Variants in ZNF384 observed in about 807,000 individuals in gnomAD.
ZNF384 encodes the protein CAG repeat protein 1.
In ZNF384, 20 loss-of-function variants were observed where a neutral mutation model predicts 65.0. The ratio of observed to expected loss-of-function variants is 0.31; its 90% confidence interval spans 0.22 to 0.45. The LOEUF (loss-of-function observed/expected upper bound fraction) is 0.45. Among genes scored for constraint, ZNF384 ranks in the 20% least tolerant of loss-of-function variants. ZNF384 has a pLI of 1.00. For synonymous variants in ZNF384, 310 were observed against 303.9 expected (o/e 1.02, Z -0.21); for missense variants, 549 against 769.4 (o/e 0.71, Z 3.39).
At chr12:6,668,163 G>C in intron 11 of ZNF384, 48 bp from the exon 12 acceptor site, 1 of 1,509,666 alleles carries the variant, frequency 6.6e-7, no homozygotes, top group Non-Finnish European at 8.9e-7. Flanking sequence ...GGAAGGAAAA[G>C]AGATTACTTG....
At chr12:6,677,514 G>A (rs1218193855) in intron 6 of ZNF384, among the ~76,000 whole-genome samples, 1 of 152,200 alleles carries the variant, frequency 6.6e-6, no homozygotes, top group Non-Finnish European at 1.5e-5. Context: ...ATGCAAATAC[G>A]CATATAATGC....
intron 6 of ZNF384, 130 bp downstream of exon 6, chr12:6,677,997 A>G (rs939900960): frequency 3.7e-6 from 3 of 808,948 alleles, no homozygotes; most frequent in African/African-American, 3.4e-5. Flanking sequence ...GACACCTGAC[A>G]TGCAAGTGGC....
chr12:6,669,241 C>T (rs757717052), intron 10 of ZNF384, 52 bp from the exon 11 acceptor site: 3 of 1,527,976 alleles, frequency 2.0e-6, no homozygotes, highest in Admixed American at 3.9e-5. Flanking sequence ...TTTCCTCCTG[C>T]CCCCTTGACC....
rs1320317247 is a variant in ZNF384, at chr12:6,673,840, T to G, written c.780-400A>C. ...TATGTATGAAGCACATGCCTCTGTA[T>G]TCCTCAAGACCCCGAGATGATAATG... On this transcript the variant is annotated intron_variant, in intron 7 of 11. Transcript: ENST00000683879. The surrounding 1 kb of genome is among the most constrained non-coding windows in gnomAD (Gnocchi z 4.7). Among the ~76,000 whole-genome samples, 1 of 152,206 alleles carries G rather than the reference T, an allele frequency of 6.6e-6. No homozygotes were observed. Among genetic ancestry groups the G allele is most frequent in the Non-Finnish European group, 1.5e-5 (1 of 68,036 alleles).
intron 11 of ZNF384, 36 bp downstream of exon 11, chr12:6,668,995 G>A: frequency 6.4e-7 from 1 of 1,573,448 alleles, no homozygotes; most frequent in Non-Finnish European, 8.7e-7. Context: ...ACTCTTAGAG[G>A]ACTATGAGGA....
rs980362861 is a variant in ZNF384 at position 6,668,209 on chromosome 12, A to C, written c.1426-94T>G. The C allele has an allele frequency of 3.3e-5, 44 of 1,315,856 alleles. No individual in the cohort carries two copies. In the African/African-American group the frequency reaches 5.6e-4, roughly 17 times the overall value. The allele number at this position is 1,315,856 out of a possible 1,614,324, so 81.5% of individuals were successfully genotyped here. ...CCCAGGCTCTGATTCTGCTGTAAGCAGAGTAAGCTTTATACTGGTTTTCTG... is the reference window on the plus strand; with the variant it reads ...CCCAGGCTCTGATTCTGCTGTAAGCCGAGTAAGCTTTATACTGGTTTTCTG... On this transcript the variant is annotated intron_variant, in intron 11 of 11. Transcript: ENST00000683879.
At chr12:6,687,868 C>T (rs1958523370) in intron 2 of ZNF384, among the ~76,000 whole-genome samples, 1 of 152,076 alleles carries the variant, frequency 6.6e-6, no homozygotes, top group Non-Finnish European at 1.5e-5. Flanking sequence ...TAAAGATTTC[C>T]CCTTTGGACA....
intron 6 of ZNF384, among the ~76,000 whole-genome samples, chr12:6,677,784 A>G (rs185031778): frequency 1.1e-4 from 17 of 152,298 alleles, no homozygotes; most frequent in Non-Finnish European, 5.9e-5. Flanking sequence ...TAGGAATGGA[A>G]TATGTAGAAA....
chr12:6,684,260 T>C (rs1957131679), intron 2 of ZNF384, among the ~76,000 whole-genome samples: 1 of 152,198 alleles, frequency 6.6e-6, no homozygotes, highest in African/African-American at 2.4e-5. Flanking sequence ...GGAAAGGGGT[T>C]CTACAAGGAA....
In ZNF384 at chr12:6,670,156, G is replaced by A. The variant is rs185684912; in HGVS notation, c.1266+604C>T. Among the ~76,000 whole-genome samples, 87 of 152,290 alleles carry A rather than the reference G, an allele frequency of 5.7e-4. 1 individual carries two copies. The highest frequency in any genetic ancestry group is 1.8e-3 in the African/African-American group (76 of 41,564). On this transcript the variant is annotated intron_variant, in intron 10 of 11. Coordinates refer to ENST00000683879, the MANE Select transcript of ZNF384 (RefSeq NM_001385745.1). ...CATTAAAGACCCCTGTGCCAGGTGC[G>A]GTGACTCATGCTTGCAATCCTAGCA... is the stretch of plus-strand genomic sequence containing the variant.
chr12:6,670,479 C>T (rs1012704551), intron 10 of ZNF384, among the ~76,000 whole-genome samples: 3 of 152,156 alleles, frequency 2.0e-5, no homozygotes, highest in African/African-American at 7.2e-5. Flanking sequence ...ATTCTTCTCA[C>T]TCAGTTGTTT....
At position 6,678,198 on chromosome 12, in the gene ZNF384, G is replaced by C. The variant is rs374265194; in HGVS notation, c.615C>G (p.Pro205=). ...AGAGGACATAAGGGTCATTCATCTC[G>C]GGCAGCCCTGATTCCAGCATCCGCT... ...KKKRMLESGL[P]EMNDPYVLSP... The change falls in exon 6 of 12, where the codon CCC becomes CCG. Residue 205 remains proline, a synonymous_variant. Transcript: ENST00000683879. This position sits in a 1 kb window ranked among gnomAD's most constrained non-coding sequence, Gnocchi z 4.9. 7.4e-6 allele frequency: 12 copies of C among 1,614,080 alleles called. No individual in the cohort carries two copies. Among genetic ancestry groups the C allele is most frequent in the Non-Finnish European group, 8.5e-6 (10 of 1,180,010 alleles).
chr12:6,686,583 A>G lies in ZNF384; in HGVS notation c.-6+1584T>C, dbSNP rs574667966. Among the ~76,000 whole-genome samples, 8 of 152,340 alleles carry G rather than the reference A, an allele frequency of 5.3e-5. No individual in the cohort carries two copies. In the East Asian group the frequency reaches 1.2e-3, roughly 22 times the overall value. On this transcript the variant is annotated intron_variant, in intron 2 of 11. Coordinates refer to ENST00000683879, the MANE Select transcript of ZNF384 (RefSeq NM_001385745.1). ...CTTGTGAATTCTAATTCTAGGTCCT[A>G]TATCAGTGGATGACTCTTAACTATT...
chr12:6,677,214 G>C lies in ZNF384; in HGVS notation c.732C>G (p.Leu244=). 1 of 1,295,000 alleles carries C rather than the reference G, an allele frequency of 7.7e-7. No homozygotes were observed. The highest frequency in any genetic ancestry group is 1.0e-6 in the Non-Finnish European group (1 of 985,434). The allele number at this position is 1,295,000 out of a possible 1,614,324, so 80.2% of individuals were successfully genotyped here. A position where few individuals can be genotyped will look rare whatever the true frequency, so the allele number is the denominator to read the frequency against. Reference sequence around the variant, plus strand: ...TGGTGGAGCCGGGAACTGAATCCATGAGCCCAAGGCTCTGTCCATTTCCTG... The same window carrying C: ...TGGTGGAGCCGGGAACTGAATCCATCAGCCCAAGGCTCTGTCCATTTCCTG... The part of the protein sequence containing the change: ...CGTGNGQSLG[L]MDSVPGSTTN... The change falls in exon 7 of 12, where the codon CTC becomes CTG. Residue 244 remains leucine (L), a synonymous_variant. Transcript: ENST00000683879.
rs1181567063 is a variant in ZNF384, at chr12:6,667,790, G to A, written c.1751C>T (p.Thr584Met). ...QCSFDLTPYK[T>M]AEHHKDICLT... Reference sequence around the variant, plus strand: ...GCAGATGTCCTTATGATGCTCCGCCGTCTTATACGGGGTCAGGTCAAAGGA... The same window carrying A: ...GCAGATGTCCTTATGATGCTCCGCCATCTTATACGGGGTCAGGTCAAAGGA... Residue 584 changes from threonine (T) to methionine (M), a missense_variant, in exon 12 of 12, where the codon ACG becomes ATG. Coordinates refer to ENST00000683879, the MANE Select transcript of ZNF384 (RefSeq NM_001385745.1). 7.4e-6 allele frequency: 12 copies of A among 1,614,094 alleles called. No homozygotes were observed. The highest frequency in any genetic ancestry group is 2.2e-5 in the East Asian group (1 of 44,888).
In ZNF384 at chr12:6,672,145, G is replaced by A. The variant is rs985301908; in HGVS notation, c.1187+205C>T. On this transcript the variant is annotated intron_variant, in intron 9 of 11. Transcript: ENST00000683879. This position sits in a 1 kb window ranked among gnomAD's most constrained non-coding sequence, Gnocchi z 4.4. Reference sequence around the variant, plus strand: ...TATCATATAGTCACTGCAGCTCCCCGACGTAGCTCTTGCCCCAGAGAAGCT... The same window carrying A: ...TATCATATAGTCACTGCAGCTCCCCAACGTAGCTCTTGCCCCAGAGAAGCT... 2.6e-5 allele frequency: 15 copies of A among 573,028 alleles called. No individual in the cohort carries two copies. Among genetic ancestry groups the A allele is most frequent in the Non-Finnish European group, 3.7e-5 (12 of 321,948 alleles). The allele number at this position is 573,028 out of a possible 1,614,324, so 35.5% of individuals were successfully genotyped here.
rs1002108574 is a variant in ZNF384 at position 6,673,566 on chromosome 12, T to G, written c.780-126A>C. 3 of 692,754 alleles carry G rather than the reference T, an allele frequency of 4.3e-6. No individual in the cohort carries two copies. The highest frequency in any genetic ancestry group is 1.8e-5 in the African/African-American group (1 of 55,328). The allele number at this position is 692,754 out of a possible 1,614,324, so 42.9% of individuals were successfully genotyped here. On this transcript the variant is annotated intron_variant, in intron 7 of 11. Coordinates refer to ENST00000683879, the MANE Select transcript of ZNF384 (RefSeq NM_001385745.1). This position sits in a 1 kb window ranked among gnomAD's most constrained non-coding sequence, Gnocchi z 4.7. ...TCCTACTCCAACTTGAGAGTAGAGC[T>G]CTATATATTCATCTTTATGGCCTAA... is the stretch of plus-strand genomic sequence containing the variant.
In ZNF384 at chr12:6,667,906, CT is replaced by C. The variant is rs1950141725; in HGVS notation, c.1634del (p.Gln545ArgfsTer35). On this transcript the variant is annotated frameshift_variant, in exon 12 of 12. Transcript: ENST00000683879. LOFTEE classifies it high-confidence loss of function. ...ACTGGAAGTGTGGTGGTGGCTGTTG[CT>C]GCTGCTGCTGCTGCTGCTGCTGCTG... ...QQQQQQQQQQ[Q>X]QQPPPHFQSP... The C allele has an allele frequency of 1.7e-5, 1 of 59,592 alleles. No homozygotes were observed. Among genetic ancestry groups the C allele is most frequent in the African/African-American group, 4.5e-4 (1 of 2,208 alleles). The allele number at this position is 59,592 out of a possible 1,614,324, so 3.7% of individuals were successfully genotyped here.
intron 7 of ZNF384, among the ~76,000 whole-genome samples, chr12:6,675,639 G>A (rs73266910): frequency 0.015 from 2,342 of 152,260 alleles, 54 homozygotes; most frequent in African/African-American, 0.05. Flanking sequence ...TCCATATCAT[G>A]GGGTGCCTTC....
Sources: gnomAD v4.1 joint callset for allele counts (sites outside exome capture counted in the v4.1 genomes callset) on GRCh38, gnomAD v4.1.1 for gene constraint, Gnocchi (gnomAD v3.1) non-coding constraint, MANE v1.5 for transcripts, NCBI Gene and HGNC (gene_info 2026-07-23, HGNC 2026-07-21) for gene names.